CNTN5: variants seen among roughly 807,000 people sequenced by gnomAD.
CNTN5 encodes the protein contactin-5.
A neutral mutation model predicts 129.1 loss-of-function variants in CNTN5; 77 were observed. The observed-to-expected ratio is 0.60, with a 90% CI of 0.50 to 0.72. The LOEUF (loss-of-function observed/expected upper bound fraction) is 0.72, where lower values mean the gene tolerates loss of function less well. Among genes scored for constraint, CNTN5 ranks in the 30% least tolerant of loss-of-function variants. The pLI is 0.00. For synonymous variants in CNTN5, 509 were observed against 465.6 expected, an observed-to-expected ratio of 1.09 and a Z score of -1.20; for missense variants, 1,478 against 1,328.8, an observed-to-expected ratio of 1.11 and a Z score of -1.75.
intron 16 of CNTN5, among the ~76,000 whole-genome samples, chr11:100,233,722 C>T (rs1161913312): frequency 6.6e-6 from 1 of 152,006 alleles, no homozygotes; most frequent in Admixed American, 6.6e-5. Flanking sequence ...ATCTAGGTGC[C>T]ATGGGTTTTG....
At chr11:99,889,413 C>CAGTAT (rs1948997531) in intron 6 of CNTN5, among the ~76,000 whole-genome samples, 1 of 148,862 alleles carries the variant, frequency 6.7e-6, no homozygotes, top group Non-Finnish European at 1.5e-5. Context: ...AAGTAAAATA[C>CAGTAT]AGTATTCTAT....
At chr11:99,253,895 G>A (rs556605224) in intron 1 of CNTN5, among the ~76,000 whole-genome samples, 4 of 82,384 alleles carry the variant, frequency 4.9e-5, no homozygotes, top group Non-Finnish European at 9.2e-5. Flanking sequence ...ACAAATATAC[G>A]TTTATATATA....
chr11:99,209,979 A>G (rs935086606), intron 1 of CNTN5, among the ~76,000 whole-genome samples: 2 of 152,130 alleles, frequency 1.3e-5, no homozygotes, highest in African/African-American at 4.8e-5. Flanking sequence ...GTAATGTAAA[A>G]CCTATCAAAG....
intron 3 of CNTN5, among the ~76,000 whole-genome samples, chr11:99,562,918 C>A (rs964065765): frequency 5.9e-5 from 9 of 151,980 alleles, no homozygotes; most frequent in Non-Finnish European, 2.9e-5. Flanking sequence ...GGGAAGATGA[C>A]CGAGCTAAAA....
At chr11:99,637,560 A>C (rs1479146963) in intron 3 of CNTN5, among the ~76,000 whole-genome samples, 1 of 152,166 alleles carries the variant, frequency 6.6e-6, no homozygotes, top group African/African-American at 2.4e-5. Flanking sequence ...GGGGTTACTG[A>C]AAAATAATTT....
intron 3 of CNTN5, among the ~76,000 whole-genome samples, chr11:99,761,329 G>C (rs764960945): frequency 6.6e-6 from 1 of 151,656 alleles, no homozygotes; most frequent in Non-Finnish European, 1.5e-5. Flanking sequence ...GGTTTGTTAC[G>C]TATGTATACA....
At chr11:100,288,424 G>A (rs1950856296) in intron 18 of CNTN5, among the ~76,000 whole-genome samples, 1 of 152,154 alleles carries the variant, frequency 6.6e-6, no homozygotes, top group Admixed American at 6.6e-5. Context: ...AGACCACAGT[G>A]CAATCAAACT....
chr11:99,597,738 C>T (rs1024254507), intron 3 of CNTN5, among the ~76,000 whole-genome samples: 5 of 152,130 alleles, frequency 3.3e-5, no homozygotes, highest in Admixed American at 3.3e-4. Flanking sequence ...CCACACACTC[C>T]ATAACCTCAG....
intron 9 of CNTN5, among the ~76,000 whole-genome samples, chr11:100,002,838 AGT>A (rs1281608804): frequency 7.3e-6 from 1 of 136,822 alleles, no homozygotes; most frequent in African/African-American, 3.1e-5. Context: ...TTTTAAACAG[AGT>A]GTTGTTTTCT....
chr11:99,371,167 T>C (rs1939797931), intron 2 of CNTN5, among the ~76,000 whole-genome samples: 1 of 152,188 alleles, frequency 6.6e-6, no homozygotes, highest in East Asian at 1.9e-4. Context: ...AAGAAATCTT[T>C]GTTGAAAGAG....
intron 21 of CNTN5, among the ~76,000 whole-genome samples, chr11:100,332,973 G>A (rs1261368318): frequency 5.3e-5 from 8 of 152,020 alleles, no homozygotes; most frequent in Non-Finnish European, 1.5e-5. Flanking sequence ...GAAATAAAGG[G>A]CATCCAAATT....
chr11:99,444,115 C>A (rs2135160853), intron 2 of CNTN5, among the ~76,000 whole-genome samples: 1 of 152,130 alleles, frequency 6.6e-6, no homozygotes, highest in Non-Finnish European at 1.5e-5. Flanking sequence ...ACGAGAATCA[C>A]TTGAACCCAG....
chr11:99,196,157 T>TAA (rs1213626487), intron 1 of CNTN5, among the ~76,000 whole-genome samples: 6 of 145,566 alleles, frequency 4.1e-5, no homozygotes, highest in African/African-American at 1.2e-4. Context: ...TGACTTACAG[T>TAA]AAAAAAAAAA....
At chr11:100,074,037 T>A in intron 12 of CNTN5, 107 bp from the exon 13 acceptor site, 1 of 1,017,874 alleles carries the variant, frequency 9.8e-7, no homozygotes. Context: ...ACTATGATTT[T>A]ATGAGAAATG....
intron 13 of CNTN5, among the ~76,000 whole-genome samples, chr11:100,171,892 G>T (rs558490320): frequency 6.6e-6 from 1 of 151,906 alleles, no homozygotes; most frequent in South Asian, 2.1e-4. Context: ...TTATAAATAC[G>T]TTGGTTTATA....
chr11:99,749,791 T>A (rs1227428892), intron 3 of CNTN5, among the ~76,000 whole-genome samples: 2 of 149,926 alleles, frequency 1.3e-5, no homozygotes, highest in Non-Finnish European at 2.9e-5. Context: ...TATATATTAT[T>A]TTATCATGGT....
chr11:99,154,002 G>A (rs977301532), intron 1 of CNTN5, among the ~76,000 whole-genome samples: 1 of 152,066 alleles, frequency 6.6e-6, no homozygotes, highest in Non-Finnish European at 1.5e-5. Context: ...GGCCCCTAGA[G>A]GTTAGGAATC....
At chr11:99,388,391 G>A (rs914795182) in intron 2 of CNTN5, among the ~76,000 whole-genome samples, 4 of 135,044 alleles carry the variant, frequency 3.0e-5, no homozygotes, top group Non-Finnish European at 4.6e-5. Context: ...CTTCAGCCTG[G>A]GTGACAGAGC....
intron 3 of CNTN5, among the ~76,000 whole-genome samples, chr11:99,767,232 TA>T (rs1440108297): frequency 1.2e-4 from 18 of 152,044 alleles, no homozygotes; most frequent in Non-Finnish European, 2.5e-4. Context: ...AAAATTGTGT[TA>T]AAAAATATTG....
Sources: allele counts gnomAD v4.1 joint callset (sites outside exome capture counted in the v4.1 genomes callset), GRCh38; gene constraint gnomAD v4.1.1; transcripts MANE v1.5; gene names NCBI Gene and HGNC (gene_info 2026-07-23, HGNC 2026-07-21).